The following GJB3 variants were observed in gnomAD, a reference collection of about 807,000 sequenced individuals.
GJB3 encodes gap junction beta-3 protein.
In GJB3, 6 loss-of-function variants were observed where a neutral mutation model predicts 8.1. The ratio of observed to expected loss-of-function variants is 0.75; its 90% confidence interval spans 0.41 to 1.47. GJB3 has a LOEUF of 1.47. GJB3 is among the 40% of genes most tolerant of loss of function. GJB3 has a pLI of 0.02. For synonymous variants in GJB3, 137 were observed against 156.4 expected (o/e 0.88, Z 0.93); for missense variants, 348 against 365.6 (o/e 0.95, Z 0.39).
rs1334931403 is a variant in GJB3, at chr1:34,785,726, G to A, written c.*151G>A. 1 of 668,222 alleles carries A rather than the reference G, an allele frequency of 1.5e-6. No homozygotes were observed. Among genetic ancestry groups the A allele is most frequent in the African/African-American group, 1.8e-5 (1 of 55,626 alleles). The allele number at this position is 668,222 out of a possible 1,614,324, so 41.4% of individuals were successfully genotyped here. ...TTTTGGCAGATATTTTTTGACACTG[G>A]GAACTGGGCTGTCTAGCCGGGTATA... On this transcript the variant is annotated 3_prime_UTR_variant, in exon 2 of 2. Transcript: ENST00000373366. The surrounding 1 kb of genome is among the most constrained non-coding windows in gnomAD (Gnocchi z 4.7).
Position 34,785,360 on chromosome 1 carries a change from G to A in GJB3, c.598G>A (p.Val200Ile), listed in dbSNP as rs61734064. The stretch of plus-strand genomic sequence containing the variant: ...GGTGGGCGCCTCCGCCGTCTGCATC[G>A]TACTCACCATCTGTGAGCTCTGCTA... ...FMVGASAVCI[V>I]LTICELCYLI... The change falls in exon 2 of 2, where the codon GTA becomes ATA. Residue 200 changes from valine (V) to isoleucine (I), a missense_variant. Val to Ile is a conservative substitution (Grantham distance 29). Transcript: ENST00000373366. This position sits in a 1 kb window ranked among gnomAD's most constrained non-coding sequence, Gnocchi z 4.7. 8,643 of 1,613,676 alleles carry A rather than the reference G, an allele frequency of 5.4e-3. 349 individuals carry two copies. The African/African-American group carries it at 0.091, about 17-fold the overall frequency.
intron 1 of GJB3, 45 bp from the exon 2 acceptor site, chr1:34,784,693 G>A: frequency 8.0e-7 from 1 of 1,248,808 alleles, no homozygotes; most frequent in Non-Finnish European, 1.2e-6. Flanking sequence ...GCTCAATAAA[G>A]TCACCTATTC....
In GJB3 at chr1:34,785,524, C is replaced by G; in HGVS notation, c.762C>G (p.Asp254Glu). The G allele has an allele frequency of 1.2e-6, 2 of 1,614,082 alleles. No homozygotes were observed. The highest frequency in any genetic ancestry group is 1.7e-6 in the Non-Finnish European group (2 of 1,180,026). The change falls in exon 2 of 2, where the codon GAC becomes GAG. Residue 254 changes from aspartate (D) to glutamate (E), a missense_variant. By Grantham distance (45) the Asp-to-Glu change is conservative (BLOSUM62 2). Coordinates refer to ENST00000373366, the MANE Select transcript of GJB3 (RefSeq NM_024009.3). This position sits in a 1 kb window ranked among gnomAD's most constrained non-coding sequence, Gnocchi z 4.7. ...TGGAGGCTGGGGAGGTGGATCCAGA[C>G]CCAGGCAATAACAAGCTGCAGGCTT... is the stretch of plus-strand genomic sequence containing the variant. Reference protein sequence around the residue: ...KLVEAGEVDPDPGNNKLQASA... With the variant: ...KLVEAGEVDPEPGNNKLQASA...
rs1015503523 is a variant in GJB3 at position 34,785,881 on chromosome 1, C to T, written c.*306C>T. 2.6e-4 allele frequency: 119 copies of T among 449,102 alleles called. 1 individual carries two copies. Among genetic ancestry groups the T allele is most frequent in the Non-Finnish European group, 4.6e-4 (110 of 236,896 alleles). The allele number at this position is 449,102 out of a possible 1,614,324, so 27.8% of individuals were successfully genotyped here. On this transcript the variant is annotated 3_prime_UTR_variant, in exon 2 of 2. Transcript: ENST00000373366. The surrounding 1 kb of genome is among the most constrained non-coding windows in gnomAD (Gnocchi z 4.7). ...AGGGCTTCAACCAGGAAGGGATCAA[C>T]CCAGGAAGGGATGATCAGGAGAGGC...
Position 34,784,837 on chromosome 1 carries a change from G to T in GJB3, c.75G>T (p.Leu25=). ...CCACAGCGTTCGGGCGCATCTGGCT[G>T]TCCGTGGTGTTCGTCTTCCGGGTGC... ...KYSTAFGRIW[L]SVVFVFRVLV... The change falls in exon 2 of 2, where the codon CTG becomes CTT. Residue 25 remains leucine (L), a synonymous_variant. Coordinates refer to ENST00000373366, the MANE Select transcript of GJB3 (RefSeq NM_024009.3). 6.2e-7 allele frequency: 1 copy of T among 1,614,240 alleles called. No homozygotes were observed. Among genetic ancestry groups the T allele is most frequent in the Admixed American group, 1.7e-5 (1 of 60,036 alleles).
Position 34,785,062 on chromosome 1 carries a change from G to C in GJB3, c.300G>C (p.Glu100Asp), listed in dbSNP as rs776836950. ...TCCTGCACGTGGCCTACCGTGAGGA[G>C]CGGGAGCGCCGGCACCGCCAGAAAC... ...LVILHVAYRE[E>D]RERRHRQKHG... The change falls in exon 2 of 2, where the codon GAG (glutamate) becomes GAC (aspartate). Residue 100 changes from glutamate to aspartate, a missense_variant. Coordinates refer to ENST00000373366, the MANE Select transcript of GJB3 (RefSeq NM_024009.3). This position sits in a 1 kb window ranked among gnomAD's most constrained non-coding sequence, Gnocchi z 4.7. 1 of 1,614,124 alleles carries C rather than the reference G, an allele frequency of 6.2e-7. No individual in the cohort carries two copies. The highest frequency in any genetic ancestry group is 1.3e-5 in the African/African-American group (1 of 75,066).
At position 34,785,967 on chromosome 1, in the gene GJB3, GCA is replaced by G; in HGVS notation, c.*395_*396del. The G allele has an allele frequency of 3.9e-6, 1 of 257,944 alleles. No individual in the cohort carries two copies. The highest frequency in any genetic ancestry group is 5.5e-5 in the South Asian group (1 of 18,154). 16.0% of individuals were successfully genotyped at this position (257,944 alleles called of 1,614,324 possible). On this transcript the variant is annotated 3_prime_UTR_variant, in exon 2 of 2. Coordinates refer to ENST00000373366, the MANE Select transcript of GJB3 (RefSeq NM_024009.3). This position sits in a 1 kb window ranked among gnomAD's most constrained non-coding sequence, Gnocchi z 4.7. ...GTGCTCCCAAGCAGACACAACAGCA[GCA>G]CAGAGGTCTGGAGGCCACACAAAAA...
At chr1:34,782,545 C>T (rs1640028388) in intron 1 of GJB3, 1 of 152,176 alleles carries the variant, frequency 6.6e-6, no homozygotes, top group African/African-American at 2.4e-5. Context: ...TTAGGGAATT[C>T]TTGGAAGTCG....
rs545843697 is a variant in GJB3 at position 34,786,004 on chromosome 1, G to A, written c.*429G>A. ...GGAGGCCACACAAAAAGTGATGCTC[G>A]CCCTGGGCTAGCCTCAGCAGACCTA... On this transcript the variant is annotated 3_prime_UTR_variant, in exon 2 of 2. Coordinates refer to ENST00000373366, the MANE Select transcript of GJB3 (RefSeq NM_024009.3). The surrounding 1 kb of genome is among the most constrained non-coding windows in gnomAD (Gnocchi z 4.4). The A allele has an allele frequency of 6.5e-4, 141 of 215,464 alleles. No individual in the cohort carries two copies. The highest frequency in any genetic ancestry group is 1.0e-3 in the Non-Finnish European group (101 of 97,070). The allele number at this position is 215,464 out of a possible 1,614,324, so 13.3% of individuals were successfully genotyped here. A position where few individuals can be genotyped will look rare whatever the true frequency, so the allele number is the denominator to read the frequency against.
rs568625587 is a variant in GJB3 at position 34,781,535 on chromosome 1, C to A, written c.-269C>A. On this transcript the variant is annotated 5_prime_UTR_variant, in exon 1 of 2. Coordinates refer to ENST00000373366, the MANE Select transcript of GJB3 (RefSeq NM_024009.3). This position sits in a 1 kb window ranked among gnomAD's most constrained non-coding sequence, Gnocchi z 6.2. ...ACAGCCCAGCCCATGGCCACCGATG[C>A]CCCCATTTCACGCCTGAGGAAGCGG... is the stretch of plus-strand genomic sequence containing the variant. 7 of 152,382 alleles carry A rather than the reference C, an allele frequency of 4.6e-5. No individual in the cohort carries two copies. The highest frequency in any genetic ancestry group is 1.0e-4 in the Non-Finnish European group (7 of 68,162). 9.4% of individuals were successfully genotyped at this position (152,382 alleles called of 1,614,324 possible). A position where few individuals can be genotyped will look rare whatever the true frequency, so the allele number is the denominator to read the frequency against.
chr1:34,783,696 T>A (rs1322717530), intron 1 of GJB3, among the ~76,000 whole-genome samples: 1 of 152,060 alleles, frequency 6.6e-6, no homozygotes. Flanking sequence ...CACATGCACA[T>A]AGGCCCACAC....
intron 1 of GJB3, among the ~76,000 whole-genome samples, chr1:34,782,701 A>G (rs1640030913): frequency 6.6e-6 from 1 of 152,038 alleles, no homozygotes; most frequent in African/African-American, 2.4e-5. Context: ...GGTCTTCCCA[A>G]TCACCCCATC....
rs148326228 is a variant in GJB3, at chr1:34,785,092, G to A, written c.330G>A (p.Gly110=). The A allele has an allele frequency of 6.8e-6, 11 of 1,613,976 alleles. No individual in the cohort carries two copies. Among genetic ancestry groups the A allele is most frequent in the Non-Finnish European group, 9.3e-6 (11 of 1,180,036 alleles). Residue 110 remains glycine, a synonymous_variant, in exon 2 of 2, where the codon GGG becomes GGA. Coordinates refer to ENST00000373366, the MANE Select transcript of GJB3 (RefSeq NM_024009.3). The surrounding 1 kb of genome is among the most constrained non-coding windows in gnomAD (Gnocchi z 4.7). ...AGCGCCGGCACCGCCAGAAACACGG[G>A]GACCAGTGCGCCAAGCTGTACGACA... ...ERERRHRQKH[G]DQCAKLYDNA... is the part of the protein sequence containing the mutation.
chr1:34,784,853 T>G lies in GJB3; in HGVS notation c.91T>G (p.Phe31Val). 6.2e-7 allele frequency: 1 copy of G among 1,614,240 alleles called. No individual in the cohort carries two copies. Among genetic ancestry groups the G allele is most frequent in the South Asian group, 1.1e-5 (1 of 91,088 alleles). The change falls in exon 2 of 2, where the codon TTC (phenylalanine) becomes GTC (valine). Residue 31 changes from phenylalanine (F) to valine (V), a missense_variant. Physicochemically the swap from Phe to Val is conservative, Grantham distance 50 (BLOSUM62 -1). Transcript: ENST00000373366. ...GRIWLSVVFV[F>V]RVLVYVVAAE... ...CATCTGGCTGTCCGTGGTGTTCGTC[T>G]TCCGGGTGCTGGTATACGTGGTGGC...
rs551762597 is a variant in GJB3, at chr1:34,784,827, G to A, written c.65G>A (p.Arg22His). The A allele has an allele frequency of 3.7e-5, 60 of 1,614,226 alleles. No homozygotes were observed. Among genetic ancestry groups the A allele is most frequent in the South Asian group, 3.6e-4 (33 of 91,078 alleles). ...AACAAGTACTCCACAGCGTTCGGGCGCATCTGGCTGTCCGTGGTGTTCGTC... is the reference window on the plus strand; with the variant it reads ...AACAAGTACTCCACAGCGTTCGGGCACATCTGGCTGTCCGTGGTGTTCGTC... ...GVNKYSTAFG[R>H]IWLSVVFVFR... Residue 22 changes from arginine to histidine, a missense_variant, in exon 2 of 2, where the codon CGC (arginine) becomes CAC (histidine). Transcript: ENST00000373366.
At position 34,785,081 on chromosome 1, in the gene GJB3, C is replaced by A; in HGVS notation, c.319C>A (p.Gln107Lys). ...YREERERRHRQKHGDQCAKLY... is the reference protein window; with the variant it reads ...YREERERRHRKKHGDQCAKLY... ...TGAGGAGCGGGAGCGCCGGCACCGCCAGAAACACGGGGACCAGTGCGCCAA... is the reference window on the plus strand; with the variant it reads ...TGAGGAGCGGGAGCGCCGGCACCGCAAGAAACACGGGGACCAGTGCGCCAA... Residue 107 changes from glutamine (Q) to lysine (K), a missense_variant, in exon 2 of 2, where the codon CAG becomes AAG. Physicochemically the swap from Gln to Lys is moderately conservative, Grantham distance 53. Coordinates refer to ENST00000373366, the MANE Select transcript of GJB3 (RefSeq NM_024009.3). This position sits in a 1 kb window ranked among gnomAD's most constrained non-coding sequence, Gnocchi z 4.7. 6.2e-7 allele frequency: 1 copy of A among 1,614,144 alleles called. No homozygotes were observed. Among genetic ancestry groups the A allele is most frequent in the Non-Finnish European group, 8.5e-7 (1 of 1,180,026 alleles).
intron 1 of GJB3, among the ~76,000 whole-genome samples, chr1:34,782,042 A>AT (rs1334464631): frequency 6.6e-6 from 1 of 152,118 alleles, no homozygotes; most frequent in Non-Finnish European, 1.5e-5. Context: ...GCTGCCTAGG[A>AT]TGGAGGGAAA....
rs768807958 is a variant in GJB3, at chr1:34,785,439, G to A, written c.677G>A (p.Gly226Asp). The change falls in exon 2 of 2, where the codon GGT (glycine) becomes GAT (aspartate). Residue 226 changes from glycine (G) to aspartate (D), a missense_variant. Gly to Asp is a moderately conservative substitution (Grantham distance 94). Coordinates refer to ENST00000373366, the MANE Select transcript of GJB3 (RefSeq NM_024009.3). The surrounding 1 kb of genome is among the most constrained non-coding windows in gnomAD (Gnocchi z 4.7). ...RGLHKDKPRG[G>D]CSPSSSASRA... ...CTGCACAAGGACAAGCCTCGAGGGG[G>A]TTGCAGCCCCTCGTCCTCCGCCAGC... The A allele has an allele frequency of 6.2e-7, 1 of 1,613,822 alleles. No homozygotes were observed. The highest frequency in any genetic ancestry group is 8.5e-7 in the Non-Finnish European group (1 of 1,179,802).
Position 34,784,823 on chromosome 1 carries a change from G to C in GJB3, c.61G>C (p.Gly21Arg). ...TGTGAACAAGTACTCCACAGCGTTC[G>C]GGCGCATCTGGCTGTCCGTGGTGTT... Reference protein sequence around the residue: ...SGVNKYSTAFGRIWLSVVFVF... With the variant: ...SGVNKYSTAFRRIWLSVVFVF... The change falls in exon 2 of 2, where the codon GGG becomes CGG. Residue 21 changes from glycine to arginine, a missense_variant. Coordinates refer to ENST00000373366, the MANE Select transcript of GJB3 (RefSeq NM_024009.3). 1 of 1,614,200 alleles carries C rather than the reference G, an allele frequency of 6.2e-7. No individual in the cohort carries two copies. The highest frequency in any genetic ancestry group is 8.5e-7 in the Non-Finnish European group (1 of 1,180,026).
Sources: gnomAD v4.1 joint callset for allele counts (sites outside exome capture counted in the v4.1 genomes callset) on GRCh38, gnomAD v4.1.1 for gene constraint, Gnocchi (gnomAD v3.1) non-coding constraint, MANE v1.5 for transcripts, NCBI Gene and HGNC (gene_info 2026-07-23, HGNC 2026-07-21) for gene names.